The following CAPZB variants were observed in gnomAD, a reference collection of about 807,000 sequenced individuals.
CAPZB encodes F-actin-capping protein subunit beta.
A neutral mutation model predicts 38.1 loss-of-function variants in CAPZB; 2 were observed. The observed-to-expected ratio is 0.05, with a 90% CI of 0.02 to 0.17. The LOEUF is 0.17. Ranked by LOEUF, CAPZB falls within the 10% of genes least tolerant of loss-of-function variation. CAPZB has a pLI of 1.00. For missense variants in CAPZB, 161 were observed against 334.2 expected (o/e 0.48, Z 4.04); for synonymous variants, 107 against 127.4 (o/e 0.84, Z 1.08).
chr1:19,453,028 C>A (rs192618654), intron 1 of CAPZB, among the ~76,000 whole-genome samples: 36 of 152,132 alleles, frequency 2.4e-4, no homozygotes, highest in Non-Finnish European at 2.2e-4. Context: ...TGGTCTCGAA[C>A]TCCTGACCTC....
intron 2 of CAPZB, among the ~76,000 whole-genome samples, chr1:19,416,345 G>A (rs1176508379): frequency 6.6e-6 from 1 of 152,158 alleles, no homozygotes; most frequent in Non-Finnish European, 1.5e-5. Flanking sequence ...AACCTGGCAA[G>A]CAGGAGAAAC....
intron 1 of CAPZB, among the ~76,000 whole-genome samples, chr1:19,441,549 C>CT (rs1211114169): frequency 1.3e-5 from 2 of 152,016 alleles, no homozygotes; most frequent in South Asian, 2.1e-4. Context: ...ATGTTCACCC[C>CT]TTTTTTTGCA....
intron 1 of CAPZB, among the ~76,000 whole-genome samples, chr1:19,426,173 G>A (rs968026914): frequency 1.3e-5 from 2 of 152,188 alleles, no homozygotes; most frequent in Admixed American, 1.3e-4. Flanking sequence ...ATGCTGGCCC[G>A]AGGAGCTAGG....
intron 4 of CAPZB, among the ~76,000 whole-genome samples, chr1:19,358,896 T>G (rs2094036622): frequency 1.3e-5 from 2 of 152,186 alleles, no homozygotes; most frequent in African/African-American, 4.8e-5. Context: ...GGGTACAGGC[T>G]TGGGAGTCAG....
At chr1:19,368,700 C>T (rs1558192095) in intron 4 of CAPZB, among the ~76,000 whole-genome samples, 1 of 146,934 alleles carries the variant, frequency 6.8e-6, no homozygotes, top group Non-Finnish European at 1.5e-5. Flanking sequence ...TGGGGTCTCT[C>T]TCTGTCACCC....
chr1:19,470,069 A>C (rs2094581955), intron 1 of CAPZB, among the ~76,000 whole-genome samples: 1 of 152,036 alleles, frequency 6.6e-6, no homozygotes, highest in Non-Finnish European at 1.5e-5. Context: ...AAAATACAAA[A>C]ATTGCTGGGT....
At chr1:19,385,872 A>C (rs1444609422) in intron 2 of CAPZB, 1 of 608,902 alleles carries the variant, frequency 1.6e-6, no homozygotes, top group Non-Finnish European at 3.1e-6. Flanking sequence ...CCTTCCAAAA[A>C]CTGTGTGCAG....
At chr1:19,399,796 C>T (rs1338817059) in intron 2 of CAPZB, among the ~76,000 whole-genome samples, 2 of 152,160 alleles carry the variant, frequency 1.3e-5, no homozygotes, top group Admixed American at 6.5e-5. Flanking sequence ...ATGAGATAAT[C>T]GGTAAGGTTC....
intron 6 of CAPZB, among the ~76,000 whole-genome samples, chr1:19,351,289 T>A (rs1162849514): frequency 6.6e-6 from 1 of 151,862 alleles, no homozygotes; most frequent in African/African-American, 2.4e-5. Flanking sequence ...TCTTTCCATT[T>A]TTTTTTTTTA....
intron 3 of CAPZB, among the ~76,000 whole-genome samples, chr1:19,381,608 C>T (rs1483273275): frequency 3.3e-5 from 5 of 151,760 alleles, no homozygotes; most frequent in African/African-American, 1.2e-4. Flanking sequence ...CTTGCTCTGT[C>T]GCCCAGGCTG....
intron 4 of CAPZB, among the ~76,000 whole-genome samples, chr1:19,375,481 C>T (rs755743708): frequency 6.6e-6 from 1 of 152,216 alleles, no homozygotes; most frequent in Non-Finnish European, 1.5e-5. Flanking sequence ...CCACTCTCCT[C>T]CTTCCTCCCG....
intron 8 of CAPZB, among the ~76,000 whole-genome samples, chr1:19,341,762 G>A (rs1415018659): frequency 2.0e-5 from 3 of 152,216 alleles, no homozygotes; most frequent in Non-Finnish European, 2.9e-5. Flanking sequence ...AGGCTGACCC[G>A]AGTCGTGGGC....
chr1:19,479,448 C>T (rs918494827), intron 1 of CAPZB, among the ~76,000 whole-genome samples: 1 of 152,170 alleles, frequency 6.6e-6, no homozygotes, highest in African/African-American at 2.4e-5. Flanking sequence ...TTTGCAGACA[C>T]CACTATCTAG....
chr1:19,431,734 TAAAAAATAAAAAATA>T (rs892311197), intron 1 of CAPZB, among the ~76,000 whole-genome samples: 4 of 80,324 alleles, frequency 5.0e-5, no homozygotes, highest in African/African-American at 1.6e-4. Flanking sequence ...AAATAAAAAA[TAAAAAATAAAAAATA>T]AAAAAAAAGA....
chr1:19,426,103 G>A (rs371727364), intron 1 of CAPZB, among the ~76,000 whole-genome samples: 2 of 152,334 alleles, frequency 1.3e-5, no homozygotes, highest in East Asian at 3.9e-4. Context: ...ATGGCCTGGG[G>A]AGGTGACTGG....
At chr1:19,482,765 T>A (rs187027540) in intron 1 of CAPZB, among the ~76,000 whole-genome samples, 2 of 152,302 alleles carry the variant, frequency 1.3e-5, no homozygotes, top group Admixed American at 1.3e-4. Context: ...TACCATCAAA[T>A]CTACTGAAAA....
intron 4 of CAPZB, among the ~76,000 whole-genome samples, chr1:19,372,094 A>C (rs1323646837): frequency 6.6e-6 from 1 of 152,234 alleles, no homozygotes; most frequent in Non-Finnish European, 1.5e-5. Context: ...CCAGACAAGG[A>C]GGGCTGATTG....
intron 8 of CAPZB, 60 bp downstream of exon 8, chr1:19,344,298 C>T: frequency 7.2e-7 from 1 of 1,385,556 alleles, no homozygotes; most frequent in South Asian, 1.2e-5. Flanking sequence ...TAGTAACTGG[C>T]AGAGCCAGGG....
At chr1:19,369,658 C>A (rs1347091246) in intron 4 of CAPZB, among the ~76,000 whole-genome samples, 1 of 152,212 alleles carries the variant, frequency 6.6e-6, no homozygotes, top group Non-Finnish European at 1.5e-5. Context: ...GCAAGCGGTG[C>A]CCGTCACGGG....
Sources: allele counts gnomAD v4.1 joint callset (sites outside exome capture counted in the v4.1 genomes callset), GRCh38; gene constraint gnomAD v4.1.1; transcripts MANE v1.5; gene names NCBI Gene and HGNC (gene_info 2026-07-23, HGNC 2026-07-21).